CNTNAP2: variants seen among roughly 807,000 people sequenced by gnomAD.
The protein encoded by CNTNAP2 is contactin-associated protein-like 2.
CNTNAP2 carries 98 observed loss-of-function variants against 155.2 expected under a neutral mutation model. The ratio of observed to expected loss-of-function variants is 0.63; its 90% CI spans 0.54 to 0.75. The LOEUF (loss-of-function observed/expected upper bound fraction) is 0.75, where lower values mean the gene tolerates loss of function less well. CNTNAP2 is among the 30% of genes least tolerant of loss of function. The probability of loss-of-function intolerance (pLI) is 0.00; values close to 1 mark genes in which losing one functional copy is unlikely to be tolerated. For missense variants in CNTNAP2, 1,727 were observed against 1,688.1 expected (o/e 1.02, Z -0.40); for synonymous variants, 651 against 631.2 (o/e 1.03, Z -0.47).
chr7:147,776,270 T>C (rs1387888794), intron 13 of CNTNAP2, among the ~76,000 whole-genome samples: 1 of 151,594 alleles, frequency 6.6e-6, no homozygotes, highest in Non-Finnish European at 1.5e-5. Flanking sequence ...GCTGGGTTTT[T>C]TTTTTTTTTT....
chr7:147,318,444 G>GT (rs1475910847), intron 9 of CNTNAP2, among the ~76,000 whole-genome samples: 2 of 151,964 alleles, frequency 1.3e-5, no homozygotes, highest in African/African-American at 4.8e-5. Flanking sequence ...TTGTTTGTTT[G>GT]TTTTTTTAAA....
intron 12 of CNTNAP2, among the ~76,000 whole-genome samples, chr7:147,602,707 T>C (rs1800977009): frequency 6.6e-6 from 1 of 151,896 alleles, no homozygotes; most frequent in Non-Finnish European, 1.5e-5. Context: ...TTCTCATTGT[T>C]CAATTCCCAC....
chr7:147,786,445 C>T (rs1387659861), intron 13 of CNTNAP2, among the ~76,000 whole-genome samples: 1 of 152,136 alleles, frequency 6.6e-6, no homozygotes, highest in Non-Finnish European at 1.5e-5. Flanking sequence ...AGCCTCACAA[C>T]TGTGACCTTT....
chr7:146,641,696 A>C (rs1223762062), intron 1 of CNTNAP2, among the ~76,000 whole-genome samples: 2 of 152,178 alleles, frequency 1.3e-5, no homozygotes, highest in Non-Finnish European at 2.9e-5. Flanking sequence ...ATCTCTACTT[A>C]AGAGTTTCAT....
chr7:148,061,996 T>TAAAC (rs1563185556), intron 15 of CNTNAP2, among the ~76,000 whole-genome samples: 3 of 119,776 alleles, frequency 2.5e-5, no homozygotes, highest in South Asian at 2.6e-4. Flanking sequence ...GATAGATAGA[T>TAAAC]AGATAGATAG....
intron 12 of CNTNAP2, among the ~76,000 whole-genome samples, chr7:147,622,904 T>C (rs1299832034): frequency 4.0e-5 from 6 of 151,742 alleles, no homozygotes; most frequent in African/African-American, 1.5e-4. Flanking sequence ...AAGATCCAAA[T>C]AAATAAAATT....
chr7:148,015,547 T>G (rs1802163011), intron 15 of CNTNAP2, among the ~76,000 whole-genome samples: 1 of 152,192 alleles, frequency 6.6e-6, no homozygotes, highest in African/African-American at 2.4e-5. Context: ...ACAGCCCAGA[T>G]GTACAGTATG....
chr7:146,549,350 A>G (rs1798080171), intron 1 of CNTNAP2, among the ~76,000 whole-genome samples: 1 of 151,996 alleles, frequency 6.6e-6, no homozygotes, highest in African/African-American at 2.4e-5. Context: ...AATGTATCTT[A>G]TTTGTTTATA....
intron 1 of CNTNAP2, among the ~76,000 whole-genome samples, chr7:146,636,163 C>G (rs1446481182): frequency 2.7e-5 from 4 of 149,080 alleles, no homozygotes; most frequent in Non-Finnish European, 5.9e-5. Context: ...AGGTGGACTA[C>G]AGCGGTGCCC....
At chr7:146,832,589 T>G (rs1803534456) in intron 2 of CNTNAP2, among the ~76,000 whole-genome samples, 1 of 148,038 alleles carries the variant, frequency 6.8e-6, no homozygotes, top group African/African-American at 2.4e-5. Context: ...TAATATTAAC[T>G]TCAATATATT....
At chr7:146,405,623 A>T (rs1237977855) in intron 1 of CNTNAP2, among the ~76,000 whole-genome samples, 4 of 152,242 alleles carry the variant, frequency 2.6e-5, no homozygotes, top group Non-Finnish European at 5.9e-5. Context: ...ACAAATACGT[A>T]ACAGGTAAGA....
intron 1 of CNTNAP2, among the ~76,000 whole-genome samples, chr7:146,765,550 T>C (rs988646912): frequency 6.6e-6 from 1 of 152,212 alleles, no homozygotes; most frequent in African/African-American, 2.4e-5. Flanking sequence ...GGTTGTGTTA[T>C]GCTGCATGAC....
intron 1 of CNTNAP2, among the ~76,000 whole-genome samples, chr7:146,428,925 C>T (rs941174004): frequency 6.6e-6 from 1 of 151,990 alleles, no homozygotes; most frequent in African/African-American, 2.4e-5. Context: ...GTTAATTTTT[C>T]TATCTGGTAT....
At chr7:148,197,422 G>C (rs1232288525) in intron 18 of CNTNAP2, among the ~76,000 whole-genome samples, 1 of 152,126 alleles carries the variant, frequency 6.6e-6, no homozygotes, top group Non-Finnish European at 1.5e-5. Flanking sequence ...GCCTGCAGCA[G>C]TACCCCAAAA....
chr7:148,316,215 G>A (rs772540786), intron 21 of CNTNAP2, among the ~76,000 whole-genome samples: 2 of 152,106 alleles, frequency 1.3e-5, no homozygotes, highest in Non-Finnish European at 2.9e-5. Context: ...GGGAGGAATA[G>A]CATTAGGAGA....
At chr7:146,888,736 A>G (rs147888900) in intron 3 of CNTNAP2, among the ~76,000 whole-genome samples, 1 of 152,270 alleles carries the variant, frequency 6.6e-6, no homozygotes, top group East Asian at 1.9e-4. Flanking sequence ...GTTCAGTAAA[A>G]TAAACCAGAC....
chr7:146,884,868 CAAAAT>C (rs1199699595), intron 3 of CNTNAP2, among the ~76,000 whole-genome samples: 4 of 152,076 alleles, frequency 2.6e-5, no homozygotes, highest in African/African-American at 9.7e-5. Flanking sequence ...AACTTGTAGA[CAAAAT>C]TATAATTTGC....
At chr7:147,774,067 C>A (rs1160276184) in intron 13 of CNTNAP2, among the ~76,000 whole-genome samples, 1 of 151,734 alleles carries the variant, frequency 6.6e-6, no homozygotes, top group Non-Finnish European at 1.5e-5. Context: ...CACTTCCTTA[C>A]TTCCTTTTGC....
At chr7:147,504,489 G>C (rs1798871638) in intron 11 of CNTNAP2, among the ~76,000 whole-genome samples, 2 of 152,002 alleles carry the variant, frequency 1.3e-5, no homozygotes, top group Non-Finnish European at 2.9e-5. Context: ...AGGACTTCAA[G>C]ACCAGCCTCG....
Sources: gnomAD v4.1 joint callset for allele counts (sites outside exome capture counted in the v4.1 genomes callset) on GRCh38, gnomAD v4.1.1 for gene constraint, MANE v1.5 for transcripts, NCBI Gene and HGNC (gene_info 2026-07-23, HGNC 2026-07-21) for gene names.